FAIM: variants seen among roughly 807,000 people sequenced by gnomAD.
FAIM encodes the protein Fas apoptotic inhibitory molecule.
FAIM carries 14 observed loss-of-function variants against 21.2 expected under a neutral mutation model. The ratio of observed to expected loss-of-function variants is 0.66; its 90% CI spans 0.44 to 1.03. The LOEUF (loss-of-function observed/expected upper bound fraction) is 1.03, where lower values mean the gene tolerates loss of function less well. FAIM is among the 50% of genes least tolerant of loss of function. FAIM has a pLI of 0.00. For synonymous variants in FAIM, 86 were observed against 80.4 expected (o/e 1.07, Z -0.37); for missense variants, 222 against 247.1 (o/e 0.90, Z 0.68).
chr3:138,623,490 C>T (rs958883425), intron 4 of FAIM, among the ~76,000 whole-genome samples: 5 of 151,664 alleles, frequency 3.3e-5, no homozygotes, highest in Admixed American at 1.3e-4. Flanking sequence ...CTCAGCCTCC[C>T]GAGTAGCTGG....
chr3:138,618,728 G>T (rs893167840), intron 1 of FAIM, among the ~76,000 whole-genome samples: 2 of 152,152 alleles, frequency 1.3e-5, no homozygotes, highest in Admixed American at 6.5e-5. Flanking sequence ...GACAGAAAGG[G>T]TTAGCAGTCT....
intron 4 of FAIM, among the ~76,000 whole-genome samples, chr3:138,624,630 T>C (rs1054497246): frequency 6.6e-6 from 1 of 152,194 alleles, no homozygotes; most frequent in African/African-American, 2.4e-5. Context: ...GCTTCCAAGA[T>C]CCATCAAACT....
chr3:138,632,796 CTT>C (rs980241905), intron 5 of FAIM, 132 bp from the exon 6 acceptor site: 5 of 834,176 alleles, frequency 6.0e-6, no homozygotes, highest in African/African-American at 5.3e-5. Flanking sequence ...AAGCTTTAGA[CTT>C]TGTTTTTCAA....
intron 1 of FAIM, among the ~76,000 whole-genome samples, chr3:138,618,030 G>T (rs557495489): frequency 6.7e-6 from 1 of 150,194 alleles, no homozygotes; most frequent in South Asian, 2.1e-4. Context: ...GCTGGAGTGC[G>T]GTGGCATGAT....
intron 1 of FAIM, among the ~76,000 whole-genome samples, chr3:138,612,347 C>T (rs543165496): frequency 2.0e-5 from 3 of 152,116 alleles, no homozygotes; most frequent in African/African-American, 7.2e-5. Context: ...GTGATCCGCC[C>T]GCCTCGGCCT....
chr3:138,624,754 C>G (rs1219443967), intron 4 of FAIM, among the ~76,000 whole-genome samples: 2 of 152,190 alleles, frequency 1.3e-5, no homozygotes, highest in Non-Finnish European at 2.9e-5. Flanking sequence ...TTGGTTTCCT[C>G]ATCTGTAAAA....
intron 2 of FAIM, among the ~76,000 whole-genome samples, chr3:138,620,549 G>A (rs1028033807): frequency 3.9e-5 from 6 of 152,132 alleles, no homozygotes; most frequent in African/African-American, 7.2e-5. Flanking sequence ...GGGCTGGAAC[G>A]TGGTGGTGCA....
At chr3:138,625,757 T>C (rs1328161567) in intron 4 of FAIM, among the ~76,000 whole-genome samples, 1 of 152,170 alleles carries the variant, frequency 6.6e-6, no homozygotes, top group Non-Finnish European at 1.5e-5. Flanking sequence ...TAACAGCCTA[T>C]GGGAAAGGTG....
intron 4 of FAIM, among the ~76,000 whole-genome samples, chr3:138,627,145 G>T (rs116254696): frequency 6.7e-6 from 1 of 149,764 alleles, no homozygotes; most frequent in Admixed American, 6.6e-5. Context: ...TTGCTAATGT[G>T]TGTGCATTTT....
chr3:138,612,157 G>A (rs1301284097), intron 1 of FAIM, among the ~76,000 whole-genome samples: 1 of 144,542 alleles, frequency 6.9e-6, no homozygotes, highest in Non-Finnish European at 1.5e-5. Flanking sequence ...CTGGAGTGCA[G>A]TGGTGCGATC....
At position 138,633,086 on chromosome 3, in the gene FAIM, T is replaced by G. The variant is rs2043024595; in HGVS notation, c.*7T>G. On this transcript the variant is annotated 3_prime_UTR_variant, in exon 6 of 6. Transcript: ENST00000360570. The stretch of plus-strand genomic sequence containing the variant: ...CCCAGAGATTGCAAGTTAATGAATT[T>G]TCATCTTAAGAAGTAAAGATCAGGA... The G allele has an allele frequency of 2.5e-6, 4 of 1,612,052 alleles. No homozygotes were observed. The highest frequency in any genetic ancestry group is 3.4e-6 in the Non-Finnish European group (4 of 1,178,976).
chr3:138,609,603 TCTCTCTCTCGA>T (rs1455895447), intron 1 of FAIM, among the ~76,000 whole-genome samples: 14 of 84,856 alleles, frequency 1.6e-4, no homozygotes, highest in African/African-American at 7.7e-4. Flanking sequence ...ACTCTCTCTC[TCTCTCTCTCGA>T]CTCTCTCTCT....
chr3:138,614,414 TGG>T (rs1246725856), intron 1 of FAIM, among the ~76,000 whole-genome samples: 2 of 152,012 alleles, frequency 1.3e-5, no homozygotes, highest in African/African-American at 4.8e-5. Flanking sequence ...CACTCCAGCC[TGG>T]ATGACTAGAG....
intron 1 of FAIM, among the ~76,000 whole-genome samples, chr3:138,615,899 A>G (rs1236977247): frequency 6.6e-5 from 10 of 152,262 alleles, no homozygotes; most frequent in Admixed American, 5.9e-4. Flanking sequence ...TAGGTGATAG[A>G]GAAGCCCAAA....
At chr3:138,630,905 A>C (rs2042998134) in intron 5 of FAIM, 1 of 152,286 alleles carries the variant, frequency 6.6e-6, no homozygotes, top group East Asian at 1.9e-4. Flanking sequence ...TGGGAGGCTG[A>C]GGCGGGCAGA....
chr3:138,612,632 C>G (rs1233345251), intron 1 of FAIM, among the ~76,000 whole-genome samples: 1 of 152,116 alleles, frequency 6.6e-6, no homozygotes, highest in Non-Finnish European at 1.5e-5. Flanking sequence ...TTGGAAAATG[C>G]TACAATGAAC....
At chr3:138,612,126 A>C (rs1577004511) in intron 1 of FAIM, among the ~76,000 whole-genome samples, 1 of 112,936 alleles carries the variant, frequency 8.9e-6, no homozygotes, top group Non-Finnish European at 1.7e-5. Context: ...TTTGAGACGG[A>C]GTCTCGCTCT....
At chr3:138,614,896 A>T (rs545561392) in intron 1 of FAIM, among the ~76,000 whole-genome samples, 3 of 152,240 alleles carry the variant, frequency 2.0e-5, no homozygotes, top group African/African-American at 7.2e-5. Context: ...AGCATTGAAT[A>T]TACCATTGCA....
chr3:138,625,256 A>G (rs1020825693), intron 4 of FAIM, among the ~76,000 whole-genome samples: 1 of 152,156 alleles, frequency 6.6e-6, no homozygotes, highest in African/African-American at 2.4e-5. Context: ...TGAGGTCAGG[A>G]GTTCGAGACC....
Sources: gnomAD v4.1 joint callset for allele counts (sites outside exome capture counted in the v4.1 genomes callset) on GRCh38, gnomAD v4.1.1 for gene constraint, MANE v1.5 for transcripts, NCBI Gene and HGNC (gene_info 2026-07-23, HGNC 2026-07-21) for gene names.